COLEC12: variants seen among roughly 807,000 people sequenced by gnomAD.
COLEC12 encodes the protein collectin-12.
COLEC12 carries 33 observed loss-of-function variants against 71.1 expected under a neutral mutation model. That is an observed-to-expected ratio of 0.46 (90% CI 0.35 to 0.62). COLEC12 has a LOEUF of 0.62. Among genes scored for constraint, COLEC12 ranks in the 20% least tolerant of loss-of-function variants. The pLI is 0.00. For missense variants in COLEC12, 765 were observed against 916.1 expected (o/e 0.84, Z 2.13); for synonymous variants, 350 against 353.0 (o/e 0.99, Z 0.10).
intron 2 of COLEC12, among the ~76,000 whole-genome samples, chr18:398,746 T>A (rs938069321): frequency 1.3e-5 from 2 of 152,190 alleles, no homozygotes; most frequent in African/African-American, 4.8e-5. Context: ...AACAATTATA[T>A]AAAGAACAAG....
chr18:357,072 C>T (rs1416030252), intron 3 of COLEC12, among the ~76,000 whole-genome samples: 1 of 151,694 alleles, frequency 6.6e-6, no homozygotes, highest in East Asian at 1.9e-4. Context: ...TCCATAAAGC[C>T]TCCAAGAGAT....
rs1913876437 is a variant in COLEC12 at position 327,663 on chromosome 18, G to A, written c.2063+4005C>T. Among the ~76,000 whole-genome samples the A allele has an allele frequency of 6.6e-6, 1 of 152,222 alleles. No homozygotes were observed. Among genetic ancestry groups the A allele is most frequent in the Admixed American group, 6.5e-5 (1 of 15,284 alleles). On this transcript the variant is annotated intron_variant, in intron 8 of 9. Transcript: ENST00000400256. The surrounding 1 kb of genome is among the most constrained non-coding windows in gnomAD (Gnocchi z 4.0). ...AATGAGGTGAGGCCGAGACGCAGAG[G>A]AGAGAGCCTTTTATCCCTCGTCTAT...
Position 453,615 on chromosome 18 carries a change from T to G in COLEC12, c.58+27092A>C, listed in dbSNP as rs193052061. Among the ~76,000 whole-genome samples the G allele has an allele frequency of 2.0e-5, 3 of 152,348 alleles. No homozygotes were observed. In the East Asian group the frequency reaches 5.8e-4, roughly 29 times the overall value. Reference sequence around the variant, plus strand: ...CTCAGTCCTCAGCCCTTATCTTCCCTGTCTATACTCTCTTCTTCTGTGGTC... The same window carrying G: ...CTCAGTCCTCAGCCCTTATCTTCCCGGTCTATACTCTCTTCTTCTGTGGTC... On this transcript the variant is annotated intron_variant, in intron 2 of 9. Transcript: ENST00000400256.
intron 2 of COLEC12, among the ~76,000 whole-genome samples, chr18:452,104 C>T (rs11081113): frequency 0.43 from 65,796 of 151,974 alleles, 14,480 homozygotes; most frequent in East Asian, 0.66. Flanking sequence ...CCCAACTATG[C>T]GTGATCTAGT....
At chr18:385,752 C>T (rs1306896111) in intron 2 of COLEC12, among the ~76,000 whole-genome samples, 1 of 152,168 alleles carries the variant, frequency 6.6e-6, no homozygotes. Context: ...TAATGAAAAT[C>T]TGGCTTCTGG....
chr18:477,513 C>T lies in COLEC12; in HGVS notation c.58+3194G>A, dbSNP rs377371781. ...CAACTATAAAAGGCTACAATGTTAC[C>T]GTCTTTAGAAGAAAATCACACCTTT... On this transcript the variant is annotated intron_variant, in intron 2 of 9. Transcript: ENST00000400256. Among the ~76,000 whole-genome samples the T allele has an allele frequency of 1.4e-4, 21 of 152,288 alleles. No homozygotes were observed. In the South Asian group the frequency reaches 3.3e-3, roughly 24 times the overall value.
intron 8 of COLEC12, among the ~76,000 whole-genome samples, chr18:323,305 C>T (rs555830625): frequency 2.8e-4 from 43 of 152,172 alleles, no homozygotes; most frequent in Non-Finnish European, 5.6e-4. Flanking sequence ...AGGAAACCAT[C>T]GATTGGTGAG....
chr18:445,823 G>T (rs1463545090), intron 2 of COLEC12, among the ~76,000 whole-genome samples: 1 of 151,868 alleles, frequency 6.6e-6, no homozygotes, highest in Admixed American at 6.6e-5. Flanking sequence ...GTAGAGAGGG[G>T]GTTTCACCAT....
intron 5 of COLEC12, among the ~76,000 whole-genome samples, chr18:341,522 A>T (rs191372378): frequency 6.6e-6 from 1 of 152,360 alleles, no homozygotes; most frequent in East Asian, 1.9e-4. Flanking sequence ...CTAGAAATCC[A>T]GCAGTAAGCA....
At chr18:443,498 G>A (rs945166314) in intron 2 of COLEC12, among the ~76,000 whole-genome samples, 3 of 152,168 alleles carry the variant, frequency 2.0e-5, no homozygotes, top group Non-Finnish European at 4.4e-5. Flanking sequence ...GTTGGTTCTG[G>A]AAGTGTGGTT....
At chr18:438,166 G>T (rs565134208) in intron 2 of COLEC12, among the ~76,000 whole-genome samples, 12 of 152,202 alleles carry the variant, frequency 7.9e-5, no homozygotes, top group African/African-American at 2.6e-4. Context: ...AGATACTATT[G>T]GATATAAAAA....
chr18:382,111 C>T (rs546854026), intron 2 of COLEC12, among the ~76,000 whole-genome samples: 1 of 152,300 alleles, frequency 6.6e-6, no homozygotes, highest in East Asian at 1.9e-4. Context: ...AGTATTTTTA[C>T]TAGCACATAC....
intron 2 of COLEC12, among the ~76,000 whole-genome samples, chr18:438,364 A>C (rs771006112): frequency 9.9e-5 from 15 of 152,202 alleles, no homozygotes; most frequent in Non-Finnish European, 1.6e-4. Context: ...AATATACTCT[A>C]TATTTCTGCC....
At chr18:352,613 T>G (rs571239770) in intron 3 of COLEC12, among the ~76,000 whole-genome samples, 3 of 152,024 alleles carry the variant, frequency 2.0e-5, no homozygotes, top group African/African-American at 4.8e-5. Context: ...CACTGGGGGG[T>G]GTGTGTCTTT....
At chr18:350,108 T>C (rs1487509598) in intron 3 of COLEC12, among the ~76,000 whole-genome samples, 1 of 152,210 alleles carries the variant, frequency 6.6e-6, no homozygotes, top group Non-Finnish European at 1.5e-5. Flanking sequence ...ATGATACAGT[T>C]TGGCTGTATT....
At chr18:338,660 C>T (rs1914173132) in intron 5 of COLEC12, among the ~76,000 whole-genome samples, 1 of 152,136 alleles carries the variant, frequency 6.6e-6, no homozygotes, top group African/African-American at 2.4e-5. Flanking sequence ...AGATCTATCT[C>T]CTTTAAAAAA....
At chr18:326,440 C>T (rs536362718) in intron 8 of COLEC12, among the ~76,000 whole-genome samples, 80 of 152,238 alleles carry the variant, frequency 5.3e-4, no homozygotes, top group African/African-American at 1.7e-3. Flanking sequence ...CTCCACCTCC[C>T]GGGTCCAAGC....
rs186065841 is a variant in COLEC12, at chr18:387,563, G to A, written c.59-30041C>T. Among the ~76,000 whole-genome samples, 19 of 152,098 alleles carry A rather than the reference G, an allele frequency of 1.2e-4. No homozygotes were observed. The East Asian group carries it at 3.5e-3, about 28-fold the overall frequency. On this transcript the variant is annotated intron_variant, in intron 2 of 9. Transcript: ENST00000400256. ...AAATATGGTGGACATGTTTGAAGGC[G>A]TCAATGACATAGTGCAATCCTTCTG...
rs773733295 is a variant in COLEC12, at chr18:372,740, C to G, written c.59-15218G>C. Among the ~76,000 whole-genome samples the G allele has an allele frequency of 2.0e-5, 3 of 152,244 alleles. No homozygotes were observed. The East Asian group carries it at 5.8e-4, about 29-fold the overall frequency. The stretch of plus-strand genomic sequence containing the variant: ...CCAAAAGAGTGTTGTTTAACTGACA[C>G]AGGATAATATGATTCACACAAAATA... On this transcript the variant is annotated intron_variant, in intron 2 of 9. Transcript: ENST00000400256.
Sources: allele counts gnomAD v4.1 joint callset (sites outside exome capture counted in the v4.1 genomes callset), GRCh38; gene constraint gnomAD v4.1.1; non-coding constraint Gnocchi (gnomAD v3.1); transcripts MANE v1.5; gene names NCBI Gene and HGNC (gene_info 2026-07-23, HGNC 2026-07-21).